Variants in SUGP1 observed in about 807,000 individuals in gnomAD.
SUGP1 encodes the protein SURP and G-patch domain containing 1.
Under a neutral mutation model 76.5 loss-of-function variants are expected in SUGP1, and 34 were observed. The observed-to-expected ratio is 0.44, with a 90% CI of 0.34 to 0.59. The LOEUF (loss-of-function observed/expected upper bound fraction) is 0.59, where lower values mean the gene tolerates loss of function less well. SUGP1 is among the 20% of genes least tolerant of loss of function. The probability of loss-of-function intolerance (pLI) is 0.01; values close to 1 mark genes in which losing one functional copy is unlikely to be tolerated. For synonymous variants in SUGP1, 326 were observed against 326.2 expected, an observed-to-expected ratio of 1.00 and a Z score of 0.01; for missense variants, 752 against 851.7, an observed-to-expected ratio of 0.88 and a Z score of 1.46.
Position 19,296,983 on chromosome 19 carries a change from G to A in SUGP1, c.1243+6C>T. The stretch of plus-strand genomic sequence containing the variant: ...CAACACAGGGAGGGGGAGAGGGTCT[G>A]CCCACCTGACAGAGGCGAGGGAGAG... On this transcript the variant is annotated splice_donor_region_variant and intron_variant, in intron 8 of 13. Coordinates refer to ENST00000247001, the MANE Select transcript of SUGP1 (RefSeq NM_172231.4). 1.3e-6 allele frequency: 2 copies of A among 1,563,996 alleles called. No individual in the cohort carries two copies. The highest frequency in any genetic ancestry group is 1.7e-6 in the Non-Finnish European group (2 of 1,148,572).
chr19:19,302,666 G>A (rs1319519181), intron 6 of SUGP1, among the ~76,000 whole-genome samples: 1 of 152,094 alleles, frequency 6.6e-6, no homozygotes, highest in South Asian at 2.1e-4. Context: ...GGTCTGGGTA[G>A]GGCAGGAAGG....
chr19:19,299,160 TA>T (rs1266350956), intron 7 of SUGP1, among the ~76,000 whole-genome samples: 1 of 152,156 alleles, frequency 6.6e-6, no homozygotes, highest in Non-Finnish European at 1.5e-5. Context: ...ATCCCAGTTT[TA>T]AAAAAAATTT....
intron 7 of SUGP1, among the ~76,000 whole-genome samples, 199 bp from the exon 8 acceptor site, chr19:19,297,543 C>G (rs1488799009): frequency 6.6e-6 from 1 of 152,138 alleles, no homozygotes. Flanking sequence ...GGCCCGATGC[C>G]CTTCCTTTGA....
At chr19:19,318,715 T>A (rs1302273718) in intron 1 of SUGP1, among the ~76,000 whole-genome samples, 3 of 152,132 alleles carry the variant, frequency 2.0e-5, no homozygotes, top group African/African-American at 7.2e-5. Flanking sequence ...TAGGCATGGA[T>A]CACCACACCT....
At position 19,306,146 on chromosome 19, in the gene SUGP1, A is replaced by G. The variant is rs1483068392; in HGVS notation, c.311-70T>C. On this transcript the variant is annotated intron_variant, in intron 3 of 13. Transcript: ENST00000247001. ...CCTCTCCCGGCTTCCGACCTAACCT[A>G]GGTGCTGTGGGCCCCGGGGGAGCTG... The G allele has an allele frequency of 3.6e-6, 5 of 1,403,516 alleles. No homozygotes were observed. The South Asian group carries it at 6.1e-5, about 17-fold the overall frequency. 86.9% of individuals were successfully genotyped at this position (1,403,516 alleles called of 1,614,324 possible).
chr19:19,299,521 C>G (rs1362315461), intron 7 of SUGP1, among the ~76,000 whole-genome samples: 2 of 151,172 alleles, frequency 1.3e-5, no homozygotes, highest in Non-Finnish European at 2.9e-5. Context: ...TACAGACGCC[C>G]GCCACCACAC....
At chr19:19,287,684 G>A (rs1208067495) in intron 8 of SUGP1, among the ~76,000 whole-genome samples, 8 of 152,166 alleles carry the variant, frequency 5.3e-5, no homozygotes, top group African/African-American at 7.2e-5. Flanking sequence ...GGAAGAAGCC[G>A]GAGAAGCGGC....
At chr19:19,308,625 G>A (rs945274758) in intron 3 of SUGP1, among the ~76,000 whole-genome samples, 1 of 152,272 alleles carries the variant, frequency 6.6e-6, no homozygotes, top group South Asian at 2.1e-4. Flanking sequence ...CTCTGATGCA[G>A]CTCAGGTGTC....
At chr19:19,319,473 C>T (rs1009835027) in intron 1 of SUGP1, among the ~76,000 whole-genome samples, 2 of 151,658 alleles carry the variant, frequency 1.3e-5, no homozygotes, top group African/African-American at 4.8e-5. Context: ...TGGCTCACAC[C>T]TTTACGTAAC....
chr19:19,280,059 G>T, intron 9 of SUGP1, 126 bp downstream of exon 9: 1 of 915,394 alleles, frequency 1.1e-6, no homozygotes, highest in East Asian at 2.6e-5. Flanking sequence ...CGCTGGCCAT[G>T]GGTTCCACCT....
In SUGP1 at chr19:19,305,809, G is replaced by A. The variant is rs532710276; in HGVS notation, c.538+40C>T. On this transcript the variant is annotated intron_variant, in intron 4 of 13. Transcript: ENST00000247001. ...CCACAGATCCCACCTGCTAGAGCAC[G>A]GGCACTGGTGGTGGGGGAGCAGCAG... 10,073 of 1,556,174 alleles carry A rather than the reference G, an allele frequency of 6.5e-3. 573 individuals are homozygous for A. In the African/African-American group the frequency reaches 0.12, roughly 19 times the overall value.
intron 4 of SUGP1, 144 bp from the exon 5 acceptor site, chr19:19,303,991 C>A (rs1462556795): frequency 1.9e-6 from 3 of 1,594,814 alleles, no homozygotes; most frequent in South Asian, 1.1e-5. Context: ...CGAGTCCAGG[C>A]ACAAAACACC....
chr19:19,306,538 A>T (rs1316817441), intron 3 of SUGP1, among the ~76,000 whole-genome samples: 1 of 152,218 alleles, frequency 6.6e-6, no homozygotes, highest in Non-Finnish European at 1.5e-5. Context: ...TTCTAGGATG[A>T]ATTTGGCCTT....
intron 7 of SUGP1, among the ~76,000 whole-genome samples, chr19:19,301,243 A>G (rs1427635118): frequency 6.6e-6 from 1 of 152,072 alleles, no homozygotes; most frequent in Non-Finnish European, 1.5e-5. Flanking sequence ...CACGGCCCCA[A>G]CACAGGCTCC....
intron 8 of SUGP1, 39 bp from the exon 9 acceptor site, chr19:19,280,330 G>A (rs748813743): frequency 3.8e-6 from 6 of 1,579,646 alleles, no homozygotes; most frequent in Admixed American, 1.7e-5. Flanking sequence ...AGCCTGACAG[G>A]TGCACCCCGA....
chr19:19,309,868 C>T (rs1383990742), intron 3 of SUGP1, among the ~76,000 whole-genome samples: 1 of 152,104 alleles, frequency 6.6e-6, no homozygotes, highest in African/African-American at 2.4e-5. Context: ...GCCGAGATCG[C>T]GCCACCGCAC....
chr19:19,286,904 G>A lies in SUGP1; in HGVS notation c.1244-6613C>T, dbSNP rs554048191. Among the ~76,000 whole-genome samples, 169 of 152,010 alleles carry A rather than the reference G, an allele frequency of 1.1e-3. 1 individual carries two copies. The highest frequency in any genetic ancestry group is 6.1e-3 in the Admixed American group (93 of 15,260). On this transcript the variant is annotated intron_variant, in intron 8 of 13. Coordinates refer to ENST00000247001, the MANE Select transcript of SUGP1 (RefSeq NM_172231.4). ...ACTAAAAATACAAAACTAGCTGGCC[G>A]TGGTGGCACATGCCTGGGTGACAGT...
chr19:19,297,400 A>ATTCTGGGTAGGAGCAGTTCTGGCC, intron 7 of SUGP1, 56 bp from the exon 8 acceptor site: 1 of 1,349,532 alleles, frequency 7.4e-7, no homozygotes, highest in Non-Finnish European at 1.0e-6. Flanking sequence ...CCTGTCCCTG[A>ATTCTGGGTAGGAGCAGTTCTGGCC]TTCTGGGCAG....
chr19:19,296,066 C>T (rs893896542), intron 8 of SUGP1, among the ~76,000 whole-genome samples: 5 of 152,156 alleles, frequency 3.3e-5, no homozygotes, highest in Admixed American at 6.5e-5. Flanking sequence ...CCTATAATCC[C>T]GGCACTTTGG....
Sources: allele counts gnomAD v4.1 joint callset (sites outside exome capture counted in the v4.1 genomes callset), GRCh38; gene constraint gnomAD v4.1.1; transcripts MANE v1.5; gene names NCBI Gene and HGNC (gene_info 2026-07-23, HGNC 2026-07-21).